KIAA1328: variants seen among roughly 807,000 people sequenced by gnomAD.
KIAA1328 encodes protein hinderin.
Under a neutral mutation model 68.1 loss-of-function variants are expected in KIAA1328, and 52 were observed. The observed-to-expected ratio is 0.76, with a 90% CI of 0.61 to 0.96. The LOEUF (loss-of-function observed/expected upper bound fraction) is 0.96. Among genes scored for constraint, KIAA1328 ranks in the 40% least tolerant of loss-of-function variants. The probability of loss-of-function intolerance (pLI) is 0.00; values close to 1 mark genes in which losing one functional copy is unlikely to be tolerated. For missense variants in KIAA1328, 641 were observed against 677.6 expected (o/e 0.95, Z 0.60); for synonymous variants, 232 against 239.4 (o/e 0.97, Z 0.28).
rs56279381 is a variant in KIAA1328 at position 37,050,403 on chromosome 18, G to T, written c.577-16487G>T. On this transcript the variant is annotated intron_variant, in intron 6 of 9. Transcript: ENST00000280020. ...TCTTCCATGGGGTTCCCTTGTCTTT[G>T]CCTGTCTCATTTTCTCTTTAAAATT... 7.4e-3 allele frequency among the ~76,000 whole-genome samples: 1,123 copies of T among 151,996 alleles called. 4 individuals are homozygous for T. The highest frequency in any genetic ancestry group is 0.031 in the Middle Eastern group (9 of 294).
chr18:36,887,229 T>C lies in KIAA1328; in HGVS notation c.448+1557T>C, dbSNP rs1465029141. On this transcript the variant is annotated intron_variant, in intron 5 of 9. Coordinates refer to ENST00000280020, the MANE Select transcript of KIAA1328 (RefSeq NM_020776.3). ...TTCTCTAGATTTAAAGGAATGCTGT[T>C]TAGTCAGAATTCATAACAAAGTGCT... Among the ~76,000 whole-genome samples the C allele has an allele frequency of 2.0e-5, 3 of 152,142 alleles. No individual in the cohort carries two copies. The East Asian group carries it at 5.8e-4, about 29-fold the overall frequency.
chr18:37,163,715 A>G (rs1369032836), intron 8 of KIAA1328, among the ~76,000 whole-genome samples: 3 of 152,212 alleles, frequency 2.0e-5, no homozygotes, highest in Non-Finnish European at 4.4e-5. Context: ...GAAATGAACA[A>G]TTGGAGTGTC....
chr18:37,169,176 T>A (rs1352622975), intron 8 of KIAA1328, among the ~76,000 whole-genome samples: 1 of 149,754 alleles, frequency 6.7e-6, no homozygotes, highest in African/African-American at 2.5e-5. Context: ...TTATATTTTT[T>A]TTTTTTTGAG....
At chr18:37,071,036 T>C (rs534789389) in intron 7 of KIAA1328, among the ~76,000 whole-genome samples, 15 of 150,784 alleles carry the variant, frequency 9.9e-5, no homozygotes, top group South Asian at 2.1e-4. Flanking sequence ...ATTTCCTTTT[T>C]TGTTTTTGAT....
rs754131999 is a variant in KIAA1328 at position 37,224,800 on chromosome 18, G to A, written c.*2573G>A. On this transcript the variant is annotated 3_prime_UTR_variant, in exon 10 of 10. Transcript: ENST00000280020. ...ACTGGACACATGCCGAGGGCGTTGC[G>A]GATAGTGCCTCACCATTGCCCACCC... The A allele has an allele frequency of 6.4e-5, 63 of 985,260 alleles. No individual in the cohort carries two copies. The highest frequency in any genetic ancestry group is 7.0e-5 in the African/African-American group (4 of 57,194). 61.0% of individuals were successfully genotyped at this position (985,260 alleles called of 1,614,324 possible).
At chr18:36,856,556 A>G (rs1302017091) in intron 4 of KIAA1328, among the ~76,000 whole-genome samples, 1 of 136,404 alleles carries the variant, frequency 7.3e-6, no homozygotes, top group Non-Finnish European at 1.5e-5. Context: ...GATATTCTCT[A>G]TTTGTTCAGG....
intron 6 of KIAA1328, among the ~76,000 whole-genome samples, chr18:36,978,744 CACATTTTCTTCT>C (rs1248661575): frequency 2.0e-5 from 3 of 152,128 alleles, no homozygotes; most frequent in Non-Finnish European, 4.4e-5. Flanking sequence ...TTCTCCTTGC[CACATTTTCTTCT>C]TTTGGCATTT....
intron 7 of KIAA1328, among the ~76,000 whole-genome samples, chr18:37,095,167 A>G (rs2057370306): frequency 6.6e-6 from 1 of 152,228 alleles, no homozygotes; most frequent in Admixed American, 6.5e-5. Context: ...TTCAGCATTG[A>G]AAAGATCATC....
chr18:36,909,971 G>T (rs1162712777), intron 5 of KIAA1328, among the ~76,000 whole-genome samples: 1 of 152,136 alleles, frequency 6.6e-6, no homozygotes, highest in Non-Finnish European at 1.5e-5. Context: ...CCCACTTTTT[G>T]ATGGGGTTGT....
At chr18:37,055,288 C>G (rs918149150) in intron 6 of KIAA1328, among the ~76,000 whole-genome samples, 1 of 152,088 alleles carries the variant, frequency 6.6e-6, no homozygotes, top group Non-Finnish European at 1.5e-5. Context: ...GTCATATGAC[C>G]TGGAAAAGGC....
At chr18:37,089,606 C>T (rs1472994556) in intron 7 of KIAA1328, among the ~76,000 whole-genome samples, 1 of 152,072 alleles carries the variant, frequency 6.6e-6, no homozygotes, top group African/African-American at 2.4e-5. Flanking sequence ...AACTCCTGAC[C>T]TCAGGTGATG....
At chr18:36,832,727 G>C (rs536694928) in intron 1 of KIAA1328, 2 of 151,764 alleles carry the variant, frequency 1.3e-5, no homozygotes, top group East Asian at 3.9e-4. Flanking sequence ...ATTCTTTTAT[G>C]TTTGAGGGTA....
intron 7 of KIAA1328, among the ~76,000 whole-genome samples, chr18:37,084,818 G>A (rs943331355): frequency 4.6e-5 from 7 of 151,974 alleles, no homozygotes; most frequent in African/African-American, 1.7e-4. Flanking sequence ...ATCTTTTTAC[G>A]ATCCTTGATT....
intron 4 of KIAA1328, among the ~76,000 whole-genome samples, chr18:36,874,892 A>G (rs1467894676): frequency 6.6e-6 from 1 of 152,206 alleles, no homozygotes; most frequent in African/African-American, 2.4e-5. Flanking sequence ...AGTTTTCTGC[A>G]TATGACTAGC....
At chr18:36,845,322 T>C (rs2046991360) in intron 4 of KIAA1328, among the ~76,000 whole-genome samples, 3 of 151,766 alleles carry the variant, frequency 2.0e-5, no homozygotes, top group Non-Finnish European at 4.4e-5. Flanking sequence ...AAACATTTCA[T>C]TGTTATCCTC....
intron 6 of KIAA1328, among the ~76,000 whole-genome samples, chr18:37,040,890 A>G (rs1442273870): frequency 6.6e-6 from 1 of 151,946 alleles, no homozygotes; most frequent in Admixed American, 6.5e-5. Context: ...ATTTAAATCT[A>G]TAATGATTGG....
At chr18:37,212,024 A>G (rs933072553) in intron 9 of KIAA1328, among the ~76,000 whole-genome samples, 1 of 152,204 alleles carries the variant, frequency 6.6e-6, no homozygotes, top group Non-Finnish European at 1.5e-5. Context: ...AAAAGTGTAG[A>G]TTTTCCATTG....
At chr18:37,129,176 T>A (rs1568443397) in intron 7 of KIAA1328, among the ~76,000 whole-genome samples, 3 of 152,104 alleles carry the variant, frequency 2.0e-5, no homozygotes, top group African/African-American at 7.2e-5. Context: ...ACCTCAATAT[T>A]AAAAAAAACC....
In KIAA1328 at chr18:37,199,696, A is replaced by C. The variant is rs148993357; in HGVS notation, c.1524-22321A>C. Reference sequence around the variant, plus strand: ...ACTGTCTTCCACAATAGTTGAACTAATTTACACTTCCACCAACAGGGTAAA... The same window carrying C: ...ACTGTCTTCCACAATAGTTGAACTACTTTACACTTCCACCAACAGGGTAAA... On this transcript the variant is annotated intron_variant, in intron 9 of 9. Transcript: ENST00000280020. 6.5e-3 allele frequency among the ~76,000 whole-genome samples: 997 copies of C among 152,266 alleles called. 16 individuals are homozygous for C. Among genetic ancestry groups the C allele is most frequent in the African/African-American group, 0.022 (923 of 41,564 alleles).
Sources: allele counts gnomAD v4.1 joint callset (sites outside exome capture counted in the v4.1 genomes callset), GRCh38; gene constraint gnomAD v4.1.1; transcripts MANE v1.5; gene names NCBI Gene and HGNC (gene_info 2026-07-23, HGNC 2026-07-21).